SLC44A5: variants seen among roughly 807,000 people sequenced by gnomAD.
SLC44A5 encodes the protein solute carrier family 44 member 5.
In SLC44A5, 57 loss-of-function variants were observed where a neutral mutation model predicts 101.8. The ratio of observed to expected loss-of-function variants is 0.56; its 90% CI spans 0.45 to 0.70. SLC44A5 has a LOEUF of 0.70. SLC44A5 is among the 30% of genes least tolerant of loss of function. The probability of loss-of-function intolerance (pLI) is 0.00; values close to 1 mark genes in which losing one functional copy is unlikely to be tolerated. For synonymous variants in SLC44A5, 281 were observed against 290.9 expected (o/e 0.97, Z 0.35); for missense variants, 737 against 853.1 (o/e 0.86, Z 1.70).
At chr1:75,260,535 A>T (rs1361901808) in intron 6 of SLC44A5, among the ~76,000 whole-genome samples, 8 of 152,100 alleles carry the variant, frequency 5.3e-5, no homozygotes. Flanking sequence ...AAGTTATTAG[A>T]GACCTACAAA....
At chr1:75,521,429 C>G (rs1285018118) in intron 2 of SLC44A5, 2 of 152,186 alleles carry the variant, frequency 1.3e-5, no homozygotes, top group Non-Finnish European at 2.9e-5. Flanking sequence ...ATTTTCTCTT[C>G]TGAAATGTGA....
chr1:75,281,216 C>A (rs533445414), intron 5 of SLC44A5, among the ~76,000 whole-genome samples: 14 of 152,190 alleles, frequency 9.2e-5, no homozygotes, highest in Non-Finnish European at 2.1e-4. Flanking sequence ...CTGAGATGAT[C>A]TCAGATGGAG....
intron 2 of SLC44A5, among the ~76,000 whole-genome samples, chr1:75,474,402 C>T (rs768360093): frequency 6.6e-6 from 1 of 152,134 alleles, no homozygotes; most frequent in East Asian, 1.9e-4. Flanking sequence ...CATTCATTCA[C>T]GAGAACACTA....
intron 2 of SLC44A5, among the ~76,000 whole-genome samples, chr1:75,436,144 TGTAAACATCTTTA>T (rs2101611512): frequency 6.6e-6 from 1 of 152,296 alleles, no homozygotes; most frequent in East Asian, 1.9e-4. Flanking sequence ...GTTTTCAAGA[TGTAAACATCTTTA>T]TCTTTACCAT....
chr1:75,644,173 G>T, the SLC44A5 span, among the ~76,000 whole-genome samples: 1 of 151,998 alleles, frequency 6.6e-6, no homozygotes, highest in Admixed American at 6.6e-5. Flanking sequence ...CAAGGGAACT[G>T]GTAAAATTTT....
chr1:75,289,511 T>C (rs764338980), intron 5 of SLC44A5, among the ~76,000 whole-genome samples: 1 of 152,140 alleles, frequency 6.6e-6, no homozygotes, highest in South Asian at 2.1e-4. Context: ...CCATTCCCAA[T>C]GGATATGACA....
chr1:75,596,520 A>G (rs1188901692), intron 1 of SLC44A5, among the ~76,000 whole-genome samples: 1 of 152,140 alleles, frequency 6.6e-6, no homozygotes, highest in Non-Finnish European at 1.5e-5. Flanking sequence ...CTTCAGGCCA[A>G]TATCCTTCAT....
intron 2 of SLC44A5, chr1:75,402,429 G>A (rs1008910251): frequency 1.2e-4 from 50 of 402,608 alleles, no homozygotes; most frequent in African/African-American, 1.0e-3. Flanking sequence ...TCTGGTCTGT[G>A]GCTTCCAGCA....
Position 75,203,197 on chromosome 1 carries a change from G to C in SLC44A5, c.*530C>G, listed in dbSNP as rs1237162035. ...GAGGGCTAAGTAGTAAAGGCTGGAT[G>C]ATTGGCAATTTGTTTAAGAGGAAAC... On this transcript the variant is annotated 3_prime_UTR_variant, in exon 24 of 24. Transcript: ENST00000370859. 2 of 152,198 alleles carry C rather than the reference G, an allele frequency of 1.3e-5. No homozygotes were observed. The highest frequency in any genetic ancestry group is 2.9e-5 in the Non-Finnish European group (2 of 68,020). The allele number at this position is 152,198 out of a possible 1,614,324, so 9.4% of individuals were successfully genotyped here.
chr1:75,687,934 A>T, the SLC44A5 span, among the ~76,000 whole-genome samples: 3 of 152,210 alleles, frequency 2.0e-5, no homozygotes, highest in South Asian at 4.1e-4. Context: ...AGCAGTTGTT[A>T]TGTCTCACTT....
intron 1 of SLC44A5, among the ~76,000 whole-genome samples, chr1:75,573,551 A>T (rs2102045194): frequency 6.6e-6 from 1 of 152,276 alleles, no homozygotes; most frequent in Admixed American, 6.5e-5. Context: ...ATAAATGAAA[A>T]TATTCCTTAG....
At position 75,437,671 on chromosome 1, in the gene SLC44A5, C is replaced by A. The variant is rs892309653; in HGVS notation, c.14-41050G>T. Among the ~76,000 whole-genome samples the A allele has an allele frequency of 2.6e-5, 4 of 152,146 alleles. No homozygotes were observed. The South Asian group carries it at 8.3e-4, about 32-fold the overall frequency. On this transcript the variant is annotated intron_variant, in intron 2 of 23. Coordinates refer to ENST00000370859, the MANE Select transcript of SLC44A5 (RefSeq NM_001130058.2). Reference sequence around the variant, plus strand: ...AAGAAGGGCCTATGGGGCATCACAGCGATGATAAAGCAGGATGGTACAAAA... The same window carrying A: ...AAGAAGGGCCTATGGGGCATCACAGAGATGATAAAGCAGGATGGTACAAAA...
intron 7 of SLC44A5, among the ~76,000 whole-genome samples, chr1:75,247,208 C>A (rs190539894): frequency 1.3e-5 from 2 of 152,022 alleles, no homozygotes; most frequent in East Asian, 3.9e-4. Context: ...TAGTTTGGCT[C>A]AGGGTACATT....
chr1:75,328,588 C>G (rs539128688), intron 4 of SLC44A5, among the ~76,000 whole-genome samples: 1 of 152,178 alleles, frequency 6.6e-6, no homozygotes, highest in Non-Finnish European at 1.5e-5. Flanking sequence ...ATGGCAACTA[C>G]GACTTCTAAG....
chr1:75,292,884 T>C (rs935901841), intron 5 of SLC44A5, among the ~76,000 whole-genome samples: 1 of 152,226 alleles, frequency 6.6e-6, no homozygotes. Context: ...AAATACAGTA[T>C]AGTGTAGTGT....
At chr1:75,584,997 A>G (rs950503256) in intron 1 of SLC44A5, among the ~76,000 whole-genome samples, 3 of 152,244 alleles carry the variant, frequency 2.0e-5, no homozygotes, top group Non-Finnish European at 4.4e-5. Context: ...ATACATAAAT[A>G]TGTGATTAAG....
rs909510788 is a variant in SLC44A5, at chr1:75,259,802, G to A, written c.261-8508C>T. Among the ~76,000 whole-genome samples the A allele has an allele frequency of 5.9e-5, 9 of 152,132 alleles. 1 individual carries two copies. Among genetic ancestry groups the A allele is most frequent in the Admixed American group, 1.3e-4 (2 of 15,266 alleles). Reference sequence around the variant, plus strand: ...AGAGAAAGGTCAGGTTACCCACAACGGGAAGCCCATCAGACAAACAGCAGA... The same window carrying A: ...AGAGAAAGGTCAGGTTACCCACAACAGGAAGCCCATCAGACAAACAGCAGA... On this transcript the variant is annotated intron_variant, in intron 6 of 23. Transcript: ENST00000370859.
intron 2 of SLC44A5, among the ~76,000 whole-genome samples, chr1:75,483,023 CT>C (rs1271629063): frequency 6.6e-6 from 1 of 152,092 alleles, no homozygotes; most frequent in African/African-American, 2.4e-5. Context: ...ATAAATTACA[CT>C]TTTATTCACA....
chr1:75,682,777 CT>C, the SLC44A5 span, among the ~76,000 whole-genome samples: 1 of 151,944 alleles, frequency 6.6e-6, no homozygotes. Context: ...AACTAAAGAG[CT>C]TCTGCACAGC....
Sources: gnomAD v4.1 joint callset for allele counts (sites outside exome capture counted in the v4.1 genomes callset) on GRCh38, gnomAD v4.1.1 for gene constraint, MANE v1.5 for transcripts, NCBI Gene and HGNC (gene_info 2026-07-23, HGNC 2026-07-21) for gene names.